The following DCAF6 variants were observed in gnomAD, a reference collection of about 807,000 sequenced individuals.
DCAF6 encodes DDB1- and CUL4-associated factor 6.
A neutral mutation model predicts 125.1 loss-of-function variants in DCAF6; 54 were observed. The ratio of observed to expected loss-of-function variants is 0.43; its 90% CI spans 0.35 to 0.54. The LOEUF is 0.54. DCAF6 is among the 20% of genes least tolerant of loss of function. The probability of loss-of-function intolerance (pLI) is 0.01; values close to 1 mark genes in which losing one functional copy is unlikely to be tolerated. For synonymous variants in DCAF6, 371 were observed against 390.4 expected (o/e 0.95, Z 0.58); for missense variants, 934 against 1,161.7 (o/e 0.80, Z 2.85).
At chr1:167,913,220 T>TA in the DCAF6 span, among the ~76,000 whole-genome samples, 11 of 152,098 alleles carry the variant, frequency 7.2e-5, no homozygotes, top group Non-Finnish European at 1.5e-4. Context: ...GCCCGAAAGA[T>TA]AAACCAAGAA....
the DCAF6 span, among the ~76,000 whole-genome samples, chr1:167,873,461 C>G: frequency 6.6e-6 from 1 of 152,154 alleles, no homozygotes; most frequent in East Asian, 1.9e-4. Context: ...ATTGCCTTGA[C>G]ACAGTTAGGA....
Position 167,936,742 on chromosome 1 carries a change from G to T in DCAF6, c.-170G>T, listed in dbSNP as rs1671282311. On this transcript the variant is annotated 5_prime_UTR_variant, in exon 1 of 22. Transcript: ENST00000367840. ...GGCGAGCTCCGGCCCGGGTGCGGCC[G>T]GGCTTCAGGGGCCCAGGCGCCGCTG... is the stretch of plus-strand genomic sequence containing the variant. 1 of 605,302 alleles carries T rather than the reference G, an allele frequency of 1.7e-6. No homozygotes were observed. The highest frequency in any genetic ancestry group is 2.9e-6 in the Non-Finnish European group (1 of 339,996). 37.5% of individuals were successfully genotyped at this position (605,302 alleles called of 1,614,324 possible).
At chr1:167,996,290 C>T (rs564882316) in intron 7 of DCAF6, among the ~76,000 whole-genome samples, 1 of 150,202 alleles carries the variant, frequency 6.7e-6, no homozygotes, top group African/African-American at 2.4e-5. Context: ...TCTCTCTTTT[C>T]TTCTTTTTGA....
At chr1:167,894,134 G>T in the DCAF6 span, among the ~76,000 whole-genome samples, 1 of 152,174 alleles carries the variant, frequency 6.6e-6, no homozygotes, top group Non-Finnish European at 1.5e-5. Context: ...GAGGTTAAAG[G>T]TTTCCCAAAA....
At chr1:168,030,446 A>T (rs561167198) in intron 12 of DCAF6, among the ~76,000 whole-genome samples, 18 of 152,340 alleles carry the variant, frequency 1.2e-4, no homozygotes, top group African/African-American at 4.3e-4. Context: ...AACAGAGGGA[A>T]GCTAATGAAG....
At chr1:167,904,690 T>G in the DCAF6 span, 2 of 595,032 alleles carry the variant, frequency 3.4e-6, no homozygotes, top group Non-Finnish European at 6.0e-6. Flanking sequence ...GACTGGGATG[T>G]GTATGGGGCT....
At chr1:167,883,535 C>T in the DCAF6 span, 1 of 1,614,256 alleles carries the variant, frequency 6.2e-7, no homozygotes, top group Non-Finnish European at 8.5e-7. Flanking sequence ...CCTATCTCTT[C>T]TGCTTTGTCT....
intron 7 of DCAF6, among the ~76,000 whole-genome samples, chr1:168,000,620 A>C (rs1682475018): frequency 6.6e-6 from 1 of 152,286 alleles, no homozygotes; most frequent in South Asian, 2.1e-4. Flanking sequence ...CAACCAATTG[A>C]CGAATGGATG....
intron 1 of DCAF6, among the ~76,000 whole-genome samples, chr1:167,946,571 T>A (rs1240411485): frequency 2.0e-5 from 3 of 152,218 alleles, no homozygotes; most frequent in Non-Finnish European, 4.4e-5. Flanking sequence ...TAAGGGTTTT[T>A]CTTATGAAGG....
chr1:168,002,438 T>C, intron 7 of DCAF6, 44 bp from the exon 8 acceptor site: 1 of 1,526,704 alleles, frequency 6.6e-7, no homozygotes, highest in Non-Finnish European at 9.1e-7. Flanking sequence ...TGAGAGTAGA[T>C]GAGTTTTAGA....
At chr1:168,024,346 G>A (rs1686061005) in intron 12 of DCAF6, among the ~76,000 whole-genome samples, 1 of 151,952 alleles carries the variant, frequency 6.6e-6, no homozygotes, top group Admixed American at 6.6e-5. Context: ...TTGACTGAAA[G>A]TTTACATATT....
At chr1:168,039,669 T>G (rs942384449) in intron 13 of DCAF6, among the ~76,000 whole-genome samples, 1 of 145,894 alleles carries the variant, frequency 6.9e-6, no homozygotes, top group Non-Finnish European at 1.5e-5. Context: ...TCATAATTAA[T>G]ATATTAATAT....
chr1:168,060,649 T>C (rs903989793), intron 17 of DCAF6, among the ~76,000 whole-genome samples: 2 of 152,154 alleles, frequency 1.3e-5, no homozygotes, highest in African/African-American at 4.8e-5. Context: ...CCCAGCACTT[T>C]GGGAAGCTGA....
intron 10 of DCAF6, among the ~76,000 whole-genome samples, chr1:168,013,704 G>C (rs189985552): frequency 6.6e-6 from 1 of 151,806 alleles, no homozygotes; most frequent in African/African-American, 2.4e-5. Flanking sequence ...GAATACAGAC[G>C]TGTGTATTAG....
rs562343638 is a variant in DCAF6 at position 168,064,279 on chromosome 1, T to C, written c.2439+520T>C. 5.9e-5 allele frequency among the ~76,000 whole-genome samples: 9 copies of C among 152,238 alleles called. No individual in the cohort carries two copies. The East Asian group carries it at 1.5e-3, about 26-fold the overall frequency. ...AGACCAGAAAGATCTCTAAGATCTT[T>C]TGTAGTTTTTACGATCTACAAGTTT... On this transcript the variant is annotated intron_variant, in intron 18 of 21. Transcript: ENST00000367840.
chr1:167,965,666 C>T (rs562903055), intron 2 of DCAF6, among the ~76,000 whole-genome samples: 1 of 152,108 alleles, frequency 6.6e-6, no homozygotes, highest in African/African-American at 2.4e-5. Context: ...CTTGCTCTGT[C>T]GCGTAGGCTG....
intron 17 of DCAF6, among the ~76,000 whole-genome samples, chr1:168,053,942 T>G (rs956559331): frequency 1.3e-5 from 2 of 152,136 alleles, no homozygotes; most frequent in African/African-American, 4.8e-5. Context: ...GCATCAGACC[T>G]GCTATCCCTT....
chr1:167,910,557 C>A, the DCAF6 span, among the ~76,000 whole-genome samples: 1 of 152,134 alleles, frequency 6.6e-6, no homozygotes, highest in African/African-American at 2.4e-5. Flanking sequence ...CTACCTTCTC[C>A]TTGAGGTAGA....
At position 168,043,095 on chromosome 1, in the gene DCAF6, G is replaced by T. The variant is rs147870716; in HGVS notation, c.1798G>T (p.Val600Phe). 2.5e-6 allele frequency: 4 copies of T among 1,612,864 alleles called. No homozygotes were observed. The highest frequency in any genetic ancestry group is 3.4e-6 in the Non-Finnish European group (4 of 1,179,316). ...ATCTGAGGGTCAGGAGGAATCTTTC[G>T]TCCCACAGAGCTCAGTGCAACCACC... ...CKSEGQEESF[V>F]PQSSVQPPEG... The change falls in exon 14 of 22, where the codon GTC becomes TTC. Residue 600 changes from valine (V) to phenylalanine (F), a missense_variant. By Grantham distance (50) the Val-to-Phe change is conservative. This residue lies in a region of DCAF6 where 559 missense variants were observed against 635.5 expected (regional missense o/e 0.88). Coordinates refer to ENST00000367840, the MANE Select transcript of DCAF6 (RefSeq NM_001198956.2).
Sources: gnomAD v4.1 joint callset for allele counts (sites outside exome capture counted in the v4.1 genomes callset) on GRCh38, gnomAD v4.1.1 for gene constraint, gnomAD v4.1.1 regional missense constraint, MANE v1.5 for transcripts, NCBI Gene and HGNC (gene_info 2026-07-23, HGNC 2026-07-21) for gene names.